Variants in DMXL2 observed in about 807,000 individuals in gnomAD.
The protein encoded by DMXL2 is dmX-like protein 2.
Under a neutral mutation model 331.1 loss-of-function variants are expected in DMXL2, and 103 were observed. That is an observed-to-expected ratio of 0.31 (90% confidence interval 0.27 to 0.37). The LOEUF (loss-of-function observed/expected upper bound fraction) is 0.37. DMXL2 is among the 10% of genes least tolerant of loss of function. The probability of loss-of-function intolerance (pLI) is 1.00; values close to 1 mark genes in which losing one functional copy is unlikely to be tolerated. For synonymous variants in DMXL2, 1,281 were observed against 1,252.1 expected, an observed-to-expected ratio of 1.02 and a Z score of -0.49; for missense variants, 3,171 against 3,642.9, an observed-to-expected ratio of 0.87 and a Z score of 3.33.
At position 51,480,065 on chromosome 15, in the gene DMXL2, C is replaced by G. The variant is rs185024518; in HGVS notation, c.6639G>C (p.Ala2213=). ...TTLPLLSASI[A]STKTVIANPV... is the part of the protein sequence containing the mutation. ...GATTAGCTATGACTGTTTTTGTTGA[C>G]GCAATACTTGCTGAAAGCAGAGGTA... is the stretch of plus-strand genomic sequence containing the variant. Residue 2213 remains alanine (A), a synonymous_variant, in exon 25 of 44, where the codon GCG becomes GCC. Coordinates refer to ENST00000560891, the MANE Select transcript of DMXL2 (RefSeq NM_001378457.1). 2 of 1,600,274 alleles carry G rather than the reference C, an allele frequency of 1.2e-6. No individual in the cohort carries two copies. Among genetic ancestry groups the G allele is most frequent in the African/African-American group, 2.7e-5 (2 of 74,722 alleles).
At chr15:51,579,446 TA>T (rs1459973521) in intron 1 of DMXL2, among the ~76,000 whole-genome samples, 1 of 151,918 alleles carries the variant, frequency 6.6e-6, no homozygotes, top group African/African-American at 2.4e-5. Flanking sequence ...CATGAGATTT[TA>T]ATGGTTTTAA....
intron 16 of DMXL2, 95 bp from the exon 17 acceptor site, chr15:51,503,128 C>T: frequency 8.8e-6 from 8 of 904,794 alleles, no homozygotes; most frequent in African/African-American, 1.7e-5. Flanking sequence ...AGAAACATAG[C>T]TTCTTAAAAG....
chr15:51,459,848 G>A lies in DMXL2; in HGVS notation c.7927-188C>T, dbSNP rs2039969928. 5 of 1,153,474 alleles carry A rather than the reference G, an allele frequency of 4.3e-6. No homozygotes were observed. The East Asian group carries it at 3.0e-4, about 70-fold the overall frequency. The allele number at this position is 1,153,474 out of a possible 1,614,324, so 71.5% of individuals were successfully genotyped here. On this transcript the variant is annotated intron_variant, in intron 33 of 43. Coordinates refer to ENST00000560891, the MANE Select transcript of DMXL2 (RefSeq NM_001378457.1). ...ATAAACACAACACAAAGCCAAAAGA[G>A]CAAAATTAATGTGACTATTACATAA... is the stretch of plus-strand genomic sequence containing the variant.
At chr15:51,513,865 A>G (rs967532122) in intron 15 of DMXL2, among the ~76,000 whole-genome samples, 1 of 152,192 alleles carries the variant, frequency 6.6e-6, no homozygotes, top group Non-Finnish European at 1.5e-5. Flanking sequence ...TAACGTCTGA[A>G]GGGAACATTT....
chr15:51,592,006 C>T (rs967866919), intron 1 of DMXL2, among the ~76,000 whole-genome samples: 7 of 152,180 alleles, frequency 4.6e-5, no homozygotes, highest in Admixed American at 1.3e-4. Flanking sequence ...AAAATCAGAG[C>T]GCCTCTCCTC....
Position 51,612,096 on chromosome 15 carries a change from C to T in DMXL2, c.87+10363G>A, listed in dbSNP as rs569590148. ...AGGTCTGCGGCTCCATTCTTGAAGT[C>T]AGGAAGACCACGAACCCACTGGCAG... On this transcript the variant is annotated intron_variant, in intron 1 of 43. Coordinates refer to ENST00000560891, the MANE Select transcript of DMXL2 (RefSeq NM_001378457.1). Among the ~76,000 whole-genome samples the T allele has an allele frequency of 2.0e-5, 3 of 152,310 alleles. No individual in the cohort carries two copies. In the South Asian group the frequency reaches 6.2e-4, roughly 32 times the overall value.
chr15:51,575,869 T>C (rs1350051716), intron 2 of DMXL2, among the ~76,000 whole-genome samples, 187 bp downstream of exon 2: 1 of 152,128 alleles, frequency 6.6e-6, no homozygotes. Flanking sequence ...TGTAGAACAA[T>C]TATCAAATTA....
At position 51,450,412 on chromosome 15, in the gene DMXL2, C is replaced by T. The variant is rs1268573646; in HGVS notation, c.8750-66G>A. 8.2e-6 allele frequency: 12 copies of T among 1,461,546 alleles called. No individual in the cohort carries two copies. In the South Asian group the frequency reaches 1.1e-4, roughly 13 times the overall value. 90.5% of individuals were successfully genotyped at this position (1,461,546 alleles called of 1,614,324 possible). ...CTTGTCTTGGTAATTATGATGTCTA[C>T]ATCCACATTTAAATACAGACCTTAC... On this transcript the variant is annotated intron_variant, in intron 42 of 43. Coordinates refer to ENST00000560891, the MANE Select transcript of DMXL2 (RefSeq NM_001378457.1).
chr15:51,505,412 C>T (rs997000733), intron 16 of DMXL2, among the ~76,000 whole-genome samples: 15 of 152,330 alleles, frequency 9.8e-5, no homozygotes, highest in African/African-American at 3.6e-4. Context: ...TCACATGGTT[C>T]CTGTCCTCCC....
intron 1 of DMXL2, among the ~76,000 whole-genome samples, chr15:51,591,633 C>G (rs892249829): frequency 2.6e-5 from 4 of 152,212 alleles, no homozygotes; most frequent in African/African-American, 9.6e-5. Context: ...ACTGCCTCCT[C>G]AAGTGGGTCC....
At chr15:51,507,834 G>T (rs1224516438) in intron 15 of DMXL2, among the ~76,000 whole-genome samples, 1 of 150,956 alleles carries the variant, frequency 6.6e-6, no homozygotes, top group African/African-American at 2.4e-5. Context: ...AACTTAAGTT[G>T]TGGGGGAAGG....
At chr15:51,481,646 A>G (rs2042016491) in intron 23 of DMXL2, 23 bp from the exon 24 acceptor site, 1 of 1,513,686 alleles carries the variant, frequency 6.6e-7, no homozygotes, top group South Asian at 1.4e-5. Context: ...AACAGATAAA[A>G]TCACAAAGCA....
chr15:51,470,563 A>G (rs2041005765), intron 29 of DMXL2, among the ~76,000 whole-genome samples: 1 of 152,212 alleles, frequency 6.6e-6, no homozygotes, highest in Admixed American at 6.5e-5. Flanking sequence ...AAATCTAAAA[A>G]TGGGAAGAGG....
In DMXL2 at chr15:51,456,354, G is replaced by A; in HGVS notation, c.8353C>T (p.Leu2785=). Reference sequence around the variant, plus strand: ...GAAGTCATTCTCTTAACATTATGTAGATTCCTTTTCATAAGCTTTAAAAGA... The same window carrying A: ...GAAGTCATTCTCTTAACATTATGTAAATTCCTTTTCATAAGCTTTAAAAGA... The part of the protein sequence containing the change: ...TGASVLMKRN[L]HNVKRMTSHP... Residue 2785 remains leucine (L), a synonymous_variant, in exon 38 of 44, where the codon CTA becomes TTA. Coordinates refer to ENST00000560891, the MANE Select transcript of DMXL2 (RefSeq NM_001378457.1). 1 of 1,586,724 alleles carries A rather than the reference G, an allele frequency of 6.3e-7. No individual in the cohort carries two copies.
chr15:51,464,079 G>GA (rs1041575618), intron 32 of DMXL2, among the ~76,000 whole-genome samples: 5 of 152,088 alleles, frequency 3.3e-5, no homozygotes, highest in Non-Finnish European at 7.4e-5. Flanking sequence ...TAGATTGTTA[G>GA]AAAAAAATTC....
intron 1 of DMXL2, among the ~76,000 whole-genome samples, chr15:51,619,971 TAA>T (rs2141467372): frequency 6.6e-6 from 1 of 152,342 alleles, no homozygotes; most frequent in South Asian, 2.1e-4. Context: ...GATCCAGAAC[TAA>T]AGTTTCTTCA....
intron 1 of DMXL2, among the ~76,000 whole-genome samples, chr15:51,593,713 G>C (rs1272889006): frequency 6.6e-6 from 1 of 152,120 alleles, no homozygotes; most frequent in Non-Finnish European, 1.5e-5. Context: ...ATAACAAACT[G>C]TCTCTCAGAC....
rs767668339 is a variant in DMXL2 at position 51,480,706 on chromosome 15, ATCT to A, written c.6397_6399del (p.Arg2133del). The A allele has an allele frequency of 6.2e-6, 10 of 1,609,668 alleles. No individual in the cohort carries two copies. The highest frequency in any genetic ancestry group is 2.2e-5 in the East Asian group (1 of 44,800). ...TCTGCATGCTCTCGTTTGGCCTGCA[ATCT>A]TCTTCTTTCTATTTGATGGCGCTCA... On this transcript the variant is annotated inframe_deletion, in exon 24 of 44. Coordinates refer to ENST00000560891, the MANE Select transcript of DMXL2 (RefSeq NM_001378457.1).
intron 6 of DMXL2, among the ~76,000 whole-genome samples, chr15:51,557,447 C>G (rs2049672975): frequency 6.6e-6 from 1 of 152,006 alleles, no homozygotes; most frequent in Non-Finnish European, 1.5e-5. Flanking sequence ...TGTCAATTCT[C>G]CCCAAACTGA....
Sources: gnomAD v4.1 joint callset for allele counts (sites outside exome capture counted in the v4.1 genomes callset) on GRCh38, gnomAD v4.1.1 for gene constraint, MANE v1.5 for transcripts, NCBI Gene and HGNC (gene_info 2026-07-23, HGNC 2026-07-21) for gene names.